RFX4: variants seen among roughly 807,000 people sequenced by gnomAD.
RFX4 encodes the protein regulatory factor X4, also known as transcription factor RFX4.
A neutral mutation model predicts 95.0 loss-of-function variants in RFX4; 10 were observed. That is an observed-to-expected ratio of 0.11 (90% CI 0.06 to 0.18). The LOEUF (loss-of-function observed/expected upper bound fraction) is 0.18, where lower values mean the gene tolerates loss of function less well. RFX4 is among the 10% of genes least tolerant of loss of function. The pLI is 1.00. For synonymous variants in RFX4, 321 were observed against 340.7 expected (o/e 0.94, Z 0.64); for missense variants, 640 against 922.0 (o/e 0.69, Z 3.96).
chr12:106,653,665 G>A (rs1010141602), intron 3 of RFX4, among the ~76,000 whole-genome samples: 1 of 152,124 alleles, frequency 6.6e-6, no homozygotes, highest in Admixed American at 6.5e-5. Context: ...GTAATCATGG[G>A]GCCAACTTCC....
chr12:106,752,476 G>T (rs1726960936), intron 17 of RFX4, among the ~76,000 whole-genome samples: 1 of 151,172 alleles, frequency 6.6e-6, no homozygotes, highest in South Asian at 2.1e-4. Flanking sequence ...TCCCCTCTTT[G>T]ACCTCTTCAT....
chr12:106,656,655 G>T (rs767847280), intron 4 of RFX4, among the ~76,000 whole-genome samples: 1 of 152,016 alleles, frequency 6.6e-6, no homozygotes, highest in Non-Finnish European at 1.5e-5. Context: ...TCTCCACCCT[G>T]CTGTCTCCCT....
intron 8 of RFX4, among the ~76,000 whole-genome samples, chr12:106,697,134 G>A (rs1388671097): frequency 6.6e-6 from 1 of 152,144 alleles, no homozygotes; most frequent in Admixed American, 6.5e-5. Context: ...TTTCCAGGCT[G>A]TCCTTGGGCA....
At chr12:106,734,691 C>T (rs1032040663) in intron 15 of RFX4, among the ~76,000 whole-genome samples, 2 of 151,818 alleles carry the variant, frequency 1.3e-5, no homozygotes, top group African/African-American at 4.8e-5. Flanking sequence ...GAACAACAAA[C>T]TTAAGAACAG....
At chr12:106,630,961 G>C (rs2040406699) in intron 2 of RFX4, among the ~76,000 whole-genome samples, 1 of 152,156 alleles carries the variant, frequency 6.6e-6, no homozygotes, top group African/African-American at 2.4e-5. Context: ...ACTAGCCTGG[G>C]TCCTTGTCTT....
At chr12:106,663,804 T>C (rs1191391757) in intron 4 of RFX4, among the ~76,000 whole-genome samples, 1 of 151,788 alleles carries the variant, frequency 6.6e-6, no homozygotes, top group Admixed American at 6.6e-5. Context: ...TGCCAAATAC[T>C]TTTTGTGCAT....
chr12:106,696,517 G>A lies in RFX4; in HGVS notation c.833+71G>A, dbSNP rs911781140. The A allele has an allele frequency of 4.7e-5, 73 of 1,568,892 alleles. No individual in the cohort carries two copies. The East Asian group carries it at 1.4e-3, about 31-fold the overall frequency. ...GGGATTGTTCTGCTTCTCTTGTACT[G>A]ATTATAATCATGCACTGTCCAGAGG... is the stretch of plus-strand genomic sequence containing the variant. On this transcript the variant is annotated intron_variant, in intron 8 of 17. Transcript: ENST00000392842.
intron 3 of RFX4, among the ~76,000 whole-genome samples, chr12:106,652,796 C>A (rs1327609327): frequency 6.6e-6 from 1 of 152,152 alleles, no homozygotes; most frequent in African/African-American, 2.4e-5. Flanking sequence ...CAAGTGGGCA[C>A]CTTGGGGGGC....
At chr12:106,658,525 C>G (rs1362127798) in intron 4 of RFX4, among the ~76,000 whole-genome samples, 1 of 152,198 alleles carries the variant, frequency 6.6e-6, no homozygotes, top group Non-Finnish European at 1.5e-5. Flanking sequence ...CCTTCTTCCT[C>G]CTTGTGGCTC....
intron 3 of RFX4, among the ~76,000 whole-genome samples, chr12:106,647,399 G>T (rs1025314108): frequency 6.6e-6 from 1 of 152,134 alleles, no homozygotes; most frequent in Non-Finnish European, 1.5e-5. Flanking sequence ...TACTCATCTT[G>T]TGGGGGTAGT....
chr12:106,620,655 A>G (rs2040165442), intron 2 of RFX4, among the ~76,000 whole-genome samples: 1 of 152,120 alleles, frequency 6.6e-6, no homozygotes, highest in Admixed American at 6.5e-5. Flanking sequence ...GTCTTGATAA[A>G]CATCTTAAAA....
Position 106,601,173 on chromosome 12 carries a change from G to A in RFX4, c.44-7624G>A, listed in dbSNP as rs2039698175. The A allele has an allele frequency of 2.6e-5, 39 of 1,509,704 alleles. 2 individuals are homozygous for A. In the South Asian group the frequency reaches 5.0e-4, roughly 19 times the overall value. 93.5% of individuals were successfully genotyped at this position (1,509,704 alleles called of 1,614,324 possible). Reference sequence around the variant, plus strand: ...AACCCACTGACCTGAGCCACCCCCTGGAGAGGCCACAGCTGCTGGCTTCCT... The same window carrying A: ...AACCCACTGACCTGAGCCACCCCCTAGAGAGGCCACAGCTGCTGGCTTCCT... On this transcript the variant is annotated intron_variant, in intron 1 of 17. Coordinates refer to ENST00000392842, the MANE Select transcript of RFX4 (RefSeq NM_213594.3).
intron 5 of RFX4, chr12:106,682,721 AG>A (rs2041542663): frequency 6.6e-6 from 1 of 152,382 alleles, no homozygotes; most frequent in South Asian, 2.1e-4. Context: ...TGGCCAGGGA[AG>A]GTCTTTCAGA....
At chr12:106,692,280 T>C (rs1009828515) in intron 7 of RFX4, among the ~76,000 whole-genome samples, 2 of 152,192 alleles carry the variant, frequency 1.3e-5, no homozygotes, top group African/African-American at 4.8e-5. Context: ...TGCCACTGAC[T>C]AGCCTGTGAC....
At chr12:106,612,299 G>A (rs2039976602) in intron 2 of RFX4, among the ~76,000 whole-genome samples, 1 of 152,130 alleles carries the variant, frequency 6.6e-6, no homozygotes, top group Non-Finnish European at 1.5e-5. Flanking sequence ...ACATTTACTA[G>A]TTTTCAGTGT....
At chr12:106,684,658 A>C (rs1255927215) in intron 5 of RFX4, 1 of 1,438,900 alleles carries the variant, frequency 6.9e-7, no homozygotes, top group Non-Finnish European at 9.1e-7. Flanking sequence ...CTGTCATCCC[A>C]CCTGAAGCCA....
intron 13 of RFX4, among the ~76,000 whole-genome samples, chr12:106,724,031 G>A (rs778186336): frequency 6.6e-6 from 1 of 152,090 alleles, no homozygotes; most frequent in East Asian, 1.9e-4. Flanking sequence ...ATTGAGGGCC[G>A]AATATACTTT....
Position 106,720,257 on chromosome 12 carries a change from C to T in RFX4, c.1233+203C>T, listed in dbSNP as rs764157155. Among the ~76,000 whole-genome samples, 3 of 152,202 alleles carry T rather than the reference C, an allele frequency of 2.0e-5. No individual in the cohort carries two copies. The highest frequency in any genetic ancestry group is 7.2e-5 in the African/African-American group (3 of 41,454). The stretch of plus-strand genomic sequence containing the variant: ...CAGGTCAGCATCTCTTTTATCTGCT[C>T]TATACACTGAGTCTTGGTATAAGAT... On this transcript the variant is annotated intron_variant, in intron 12 of 17. Transcript: ENST00000392842. The surrounding 1 kb of genome is among the most constrained non-coding windows in gnomAD (Gnocchi z 4.2).
chr12:106,631,442 C>G (rs907833848), intron 2 of RFX4, among the ~76,000 whole-genome samples: 1 of 152,188 alleles, frequency 6.6e-6, no homozygotes, highest in Admixed American at 6.5e-5. Context: ...CTGTATCCCC[C>G]CAAATTCATA....
Sources: allele counts gnomAD v4.1 joint callset (sites outside exome capture counted in the v4.1 genomes callset), GRCh38; gene constraint gnomAD v4.1.1; non-coding constraint Gnocchi (gnomAD v3.1); transcripts MANE v1.5; gene names NCBI Gene and HGNC (gene_info 2026-07-23, HGNC 2026-07-21).